TRPM5: variants seen among roughly 807,000 people sequenced by gnomAD.
TRPM5 encodes MLSN1 and TRP-related.
A neutral mutation model predicts 124.9 loss-of-function variants in TRPM5; 121 were observed. The observed-to-expected ratio is 0.97, with a 90% CI of 0.84 to 1.13. The LOEUF (loss-of-function observed/expected upper bound fraction) is 1.13. Ranked by LOEUF, TRPM5 falls within the 50% of genes most tolerant of loss-of-function variation. TRPM5 has a pLI of 0.00. For missense variants in TRPM5, 1,643 were observed against 1,589.1 expected (o/e 1.03, Z -0.58); for synonymous variants, 781 against 700.5 (o/e 1.11, Z -1.81).
intron 14 of TRPM5, 54 bp from the exon 20 acceptor site, chr11:2,413,066 A>C: frequency 6.5e-7 from 1 of 1,548,452 alleles, no homozygotes; most frequent in Non-Finnish European, 8.7e-7. Context: ...CGGGTGCCCC[A>C]CCAGAGTCCA....
chr11:2,414,627 G>T, intron 11 of TRPM5, 88 bp downstream of exon 16: 1 of 1,432,944 alleles, frequency 7.0e-7, no homozygotes, highest in Non-Finnish European at 9.1e-7. Context: ...GTAACAGGCA[G>T]CCCTGGCGAG....
chr11:2,420,735 C>T (rs925065454), intron 3 of TRPM5, among the ~76,000 whole-genome samples: 2 of 152,252 alleles, frequency 1.3e-5, no homozygotes, highest in South Asian at 2.1e-4. Context: ...GGGCCTCCCT[C>T]GGTAGTGCCT....
exon 3 of TRPM5, chr11:2,421,091 C>G: frequency 6.5e-7 from 1 of 1,549,760 alleles, no homozygotes; most frequent in Non-Finnish European, 8.7e-7. Flanking sequence ...ATGCCGACAG[C>G]AACCACACGG....
intron 11 of TRPM5, 79 bp from the exon 17 acceptor site, chr11:2,414,285 C>G (rs1850520355): frequency 6.6e-7 from 1 of 1,518,888 alleles, no homozygotes; most frequent in Non-Finnish European, 8.8e-7. Flanking sequence ...CCATCCCCTG[C>G]CCAGACCTGG....
chr11:2,429,576 T>C, the TRPM5 span, among the ~76,000 whole-genome samples: 2 of 151,534 alleles, frequency 1.3e-5, no homozygotes, highest in African/African-American at 4.9e-5. The surrounding 1 kb of genome is among the most constrained non-coding windows in gnomAD (Gnocchi z 8.4). Flanking sequence ...GTGGTGGCCA[T>C]GGTGGTGTTT....
chr11:2,420,306 C>G, exon 4 of TRPM5: 2 of 1,612,714 alleles, frequency 1.2e-6, no homozygotes, highest in Non-Finnish European at 1.7e-6. Context: ...CCCGGGGGGC[C>G]TGGCTCCACC....
intron 20 of TRPM5, 117 bp downstream of exon 25, chr11:2,407,002 A>C: frequency 7.4e-7 from 1 of 1,349,406 alleles, no homozygotes; most frequent in South Asian, 1.5e-5. Context: ...CCAGCTGAGG[A>C]CCCACAGGGC....
At chr11:2,438,313 A>T in the TRPM5 span, among the ~76,000 whole-genome samples, 2 of 152,238 alleles carry the variant, frequency 1.3e-5, no homozygotes, top group South Asian at 2.1e-4. This position sits in a 1 kb window ranked among gnomAD's most constrained non-coding sequence, Gnocchi z 5.9. Flanking sequence ...ACACAAAAAA[A>T]TTACCTAGGA....
chr11:2,411,710 C>T (rs1207451898), exon 17 of TRPM5: 3 of 1,612,772 alleles, frequency 1.9e-6, no homozygotes, highest in South Asian at 1.1e-5. Flanking sequence ...GCAGCGTGAA[C>T]ACCATGAAGT....
the TRPM5 span, among the ~76,000 whole-genome samples, chr11:2,436,260 G>C: frequency 6.6e-6 from 1 of 152,226 alleles, no homozygotes; most frequent in Non-Finnish European, 1.5e-5. Flanking sequence ...CTCTCAGCTC[G>C]GGGCCAGCTC....
chr11:2,439,500 TA>T, the TRPM5 span, among the ~76,000 whole-genome samples: 1 of 152,030 alleles, frequency 6.6e-6, no homozygotes. Context: ...AATAACCCCG[TA>T]AAAATTGCTC....
chr11:2,441,496 C>G, the TRPM5 span, among the ~76,000 whole-genome samples: 2 of 152,130 alleles, frequency 1.3e-5, no homozygotes, highest in Non-Finnish European at 2.9e-5. The surrounding 1 kb of genome is among the most constrained non-coding windows in gnomAD (Gnocchi z 7.2). Context: ...TCCCTCCTCT[C>G]AGTTCCCCAC....
rs369898237 is a variant in TRPM5 at position 2,421,760 on chromosome 11, C to T, written c.298+381G>A. ...CAAGGGGTCCCACCCTGTATACACC[C>T]GGGTGCTCTGGTCCCAGGTGAGTGG... On this transcript the variant is annotated intron_variant, in intron 2 of 23. Transcript: ENST00000155858. Among the ~76,000 whole-genome samples, 36 of 152,296 alleles carry T rather than the reference C, an allele frequency of 2.4e-4. 1 individual carries two copies. The highest frequency in any genetic ancestry group is 1.4e-3 in the East Asian group (7 of 5,164).
At chr11:2,406,224 G>A in intron 21 of TRPM5, 133 bp from the exon 27 acceptor site, 4 of 917,978 alleles carry the variant, frequency 4.4e-6, no homozygotes, top group Middle Eastern at 2.6e-4. Context: ...CCTCCCTCAT[G>A]CCCAGATCTG....
At chr11:2,443,726 G>A in the TRPM5 span, among the ~76,000 whole-genome samples, 1 of 152,136 alleles carries the variant, frequency 6.6e-6, no homozygotes, top group African/African-American at 2.4e-5. The surrounding 1 kb of genome is among the most constrained non-coding windows in gnomAD (Gnocchi z 5.0). Flanking sequence ...TCTCCTGGCG[G>A]GGCGGAGAGT....
At chr11:2,422,477 C>G (rs1322211689) in intron 1 of TRPM5, among the ~76,000 whole-genome samples, 156 bp from the exon 7 acceptor site, 1 of 132,016 alleles carries the variant, frequency 7.6e-6, no homozygotes, top group South Asian at 2.4e-4. Flanking sequence ...GGGCTGGACA[C>G]AGGGGGTACC....
At chr11:2,434,802 G>T in the TRPM5 span, among the ~76,000 whole-genome samples, 1 of 152,110 alleles carries the variant, frequency 6.6e-6, no homozygotes, top group Admixed American at 6.6e-5. Flanking sequence ...TGAGCATTGG[G>T]CCAGGAGGAC....
At chr11:2,435,431 C>A in the TRPM5 span, among the ~76,000 whole-genome samples, 1 of 152,068 alleles carries the variant, frequency 6.6e-6, no homozygotes, top group East Asian at 1.9e-4. The surrounding 1 kb of genome is among the most constrained non-coding windows in gnomAD (Gnocchi z 4.1). Flanking sequence ...ACCACCCACC[C>A]AGCCATCCAG....
At chr11:2,404,254 G>C (rs1431880667), downstream of TRPM5, among the ~76,000 whole-genome samples, 1 of 152,184 alleles carries the variant, frequency 6.6e-6, no homozygotes, top group Middle Eastern at 3.2e-3. Flanking sequence ...CTGGGCAGGT[G>C]TTTGAGCCTG....
Sources: gnomAD v4.1 joint callset for allele counts (sites outside exome capture counted in the v4.1 genomes callset) on GRCh38, gnomAD v4.1.1 for gene constraint, Gnocchi (gnomAD v3.1) non-coding constraint, MANE v1.5 for transcripts, NCBI Gene and HGNC (gene_info 2026-07-23, HGNC 2026-07-21) for gene names.